The following PDE6A variants were observed in gnomAD, a reference collection of about 807,000 sequenced individuals.
PDE6A encodes the protein rod cGMP-specific 3',5'-cyclic phosphodiesterase subunit alpha.
PDE6A carries 84 observed loss-of-function variants against 106.3 expected under a neutral mutation model. The observed-to-expected ratio is 0.79, with a 90% CI of 0.66 to 0.95. PDE6A has a LOEUF of 0.95. PDE6A is among the 40% of genes least tolerant of loss of function. The pLI is 0.00. For synonymous variants in PDE6A, 394 were observed against 386.6 expected (o/e 1.02, Z -0.23); for missense variants, 1,052 against 1,084.9 (o/e 0.97, Z 0.43).
In PDE6A at chr5:149,867,720, C is replaced by A; in HGVS notation, c.2274+5G>T. 1 of 1,613,394 alleles carries A rather than the reference C, an allele frequency of 6.2e-7. No individual in the cohort carries two copies. The highest frequency in any genetic ancestry group is 8.5e-7 in the Non-Finnish European group (1 of 1,179,472). On this transcript the variant is annotated splice_donor_5th_base_variant and intron_variant, in intron 19 of 21. Transcript: ENST00000255266. ...ACATCAGGCTGACATCCCCTGTCTACTCACAATGGGATTCTGTTGCAGCAC... is the reference window on the plus strand; with the variant it reads ...ACATCAGGCTGACATCCCCTGTCTAATCACAATGGGATTCTGTTGCAGCAC...
At chr5:149,869,992 A>C (rs917894483) in intron 17 of PDE6A, among the ~76,000 whole-genome samples, 1 of 152,200 alleles carries the variant, frequency 6.6e-6, no homozygotes, top group Non-Finnish European at 1.5e-5. Context: ...AGTTTAAATA[A>C]AATCTTTAAT....
intron 19 of PDE6A, 65 bp downstream of exon 19, chr5:149,867,660 G>T: frequency 7.3e-7 from 1 of 1,369,734 alleles, no homozygotes; most frequent in Non-Finnish European, 1.0e-6. Flanking sequence ...TCATGGCGAG[G>T]TCATATCTAG....
chr5:149,893,961 TAA>T (rs750532980), intron 13 of PDE6A, among the ~76,000 whole-genome samples: 7 of 152,102 alleles, frequency 4.6e-5, no homozygotes, highest in Non-Finnish European at 1.0e-4. Flanking sequence ...TAGATGAATA[TAA>T]GTTAGTGTCT....
intron 17 of PDE6A, among the ~76,000 whole-genome samples, chr5:149,875,663 A>G (rs576651186): frequency 6.6e-6 from 1 of 151,790 alleles, no homozygotes; most frequent in South Asian, 2.1e-4. Context: ...GGAAATTTTT[A>G]TTTTTTATAG....
At chr5:149,944,051 G>A (rs1340484516) in intron 1 of PDE6A, 149 bp downstream of exon 1, 1 of 631,780 alleles carries the variant, frequency 1.6e-6, no homozygotes, top group Non-Finnish European at 2.8e-6. Context: ...TCAAAATAAA[G>A]AATTATGAGT....
chr5:149,940,398 G>C (rs76031736), intron 1 of PDE6A, among the ~76,000 whole-genome samples: 5 of 152,158 alleles, frequency 3.3e-5, no homozygotes, highest in Admixed American at 2.6e-4. Flanking sequence ...AGGAGATGAC[G>C]GGAGCCATGC....
intron 16 of PDE6A, 120 bp from the exon 17 acceptor site, chr5:149,883,656 T>A: frequency 1.3e-6 from 1 of 755,378 alleles, no homozygotes; most frequent in Non-Finnish European, 2.3e-6. Flanking sequence ...CAAAACAAGG[T>A]TGAAAGAGCC....
chr5:149,917,320 C>G (rs1201686661), intron 5 of PDE6A, among the ~76,000 whole-genome samples: 1 of 152,034 alleles, frequency 6.6e-6, no homozygotes, highest in Admixed American at 6.6e-5. Context: ...CCAAACTGTT[C>G]CTTTACTACA....
intron 5 of PDE6A, among the ~76,000 whole-genome samples, chr5:149,918,201 A>G (rs1246084213): frequency 1.3e-5 from 2 of 152,214 alleles, no homozygotes. Flanking sequence ...GCCCCGTCCA[A>G]GGGTCTTAGC....
intron 1 of PDE6A, among the ~76,000 whole-genome samples, chr5:149,941,551 G>T (rs1198301590): frequency 6.6e-6 from 1 of 152,218 alleles, no homozygotes; most frequent in Non-Finnish European, 1.5e-5. Context: ...TACACTTCCA[G>T]TAATGGGACA....
At chr5:149,903,981 C>T (rs1753084615) in intron 7 of PDE6A, among the ~76,000 whole-genome samples, 1 of 152,160 alleles carries the variant, frequency 6.6e-6, no homozygotes, top group African/African-American at 2.4e-5. Context: ...TGGAGGGTAT[C>T]CCATTTTGTT....
intron 1 of PDE6A, among the ~76,000 whole-genome samples, chr5:149,941,025 C>T (rs562057574): frequency 2.0e-5 from 3 of 152,264 alleles, no homozygotes; most frequent in East Asian, 3.9e-4. Flanking sequence ...TTGGAAATGC[C>T]GGAACACAGC....
Position 149,863,865 on chromosome 5 carries a change from T to C in PDE6A, c.2359-599A>G, listed in dbSNP as rs112374065. ...TCTCAAGCTCCTGGCCTCAAGTGAT[T>C]CTTCTGCCTTGGCTTCTCAAAGTGC... On this transcript the variant is annotated intron_variant, in intron 20 of 21. Coordinates refer to ENST00000255266, the MANE Select transcript of PDE6A (RefSeq NM_000440.3). The surrounding 1 kb of genome is among the most constrained non-coding windows in gnomAD (Gnocchi z 4.7). 0.032 allele frequency among the ~76,000 whole-genome samples: 4,831 copies of C among 152,194 alleles called. 275 individuals carry two copies. The highest frequency in any genetic ancestry group is 0.11 in the African/African-American group (4,561 of 41,510).
At chr5:149,862,257 T>C (rs1467022311) in intron 21 of PDE6A, among the ~76,000 whole-genome samples, 2 of 152,126 alleles carry the variant, frequency 1.3e-5, no homozygotes, top group Admixed American at 1.3e-4. Context: ...ACAAATCCCA[T>C]TTGATTCTGA....
intron 8 of PDE6A, among the ~76,000 whole-genome samples, chr5:149,900,748 G>A (rs1752947566): frequency 6.6e-6 from 1 of 152,068 alleles, no homozygotes. Flanking sequence ...AATACTGCCT[G>A]AAGAGCACAG....
At chr5:149,891,995 T>C (rs551402740) in intron 13 of PDE6A, among the ~76,000 whole-genome samples, 41 of 152,318 alleles carry the variant, frequency 2.7e-4, no homozygotes, top group Admixed American at 1.0e-3. Flanking sequence ...GCTGATGCTA[T>C]AACACTACTT....
At position 149,931,892 on chromosome 5, in the gene PDE6A, TATTTTCAGGTTGTGGACTATA is replaced by T. The variant is rs1754045768; in HGVS notation, c.718-745_718-725del. 6 of 664,344 alleles carry T rather than the reference TATTTTCAGGTTGTGGACTATA, an allele frequency of 9.0e-6. No homozygotes were observed. The East Asian group carries it at 1.6e-4, about 18-fold the overall frequency. 41.2% of individuals were successfully genotyped at this position (664,344 alleles called of 1,614,324 possible). On this transcript the variant is annotated intron_variant, in intron 3 of 21. Coordinates refer to ENST00000255266, the MANE Select transcript of PDE6A (RefSeq NM_000440.3). Reference sequence around the variant, plus strand: ...ACCTCCAGAGTTTCTGGAAGAAATATATTTTCAGGTTGTGGACTATAAAATGGCGTACAATGAAGAGACAGA... The same window carrying T: ...ACCTCCAGAGTTTCTGGAAGAAATATAAATGGCGTACAATGAAGAGACAGA...
Position 149,944,217 on chromosome 5 carries a change from C to A in PDE6A, c.457G>T (p.Val153Phe). 1 of 1,613,338 alleles carries A rather than the reference C, an allele frequency of 6.2e-7. No homozygotes were observed. Among genetic ancestry groups the A allele is most frequent in the Non-Finnish European group, 8.5e-7 (1 of 1,179,604 alleles). The change falls in exon 1 of 22, where the codon GTC (valine) becomes TTC (phenylalanine). Residue 153 changes from valine (V) to phenylalanine (F), a missense_variant. By Grantham distance (50) the Val-to-Phe change is conservative. Coordinates refer to ENST00000255266, the MANE Select transcript of PDE6A (RefSeq NM_000440.3). Reference sequence around the variant, plus strand: ...GAGAGTACCTCCTCTGTGTTGGGGACGTTAGCAATCTTCTTAGAGTGTGCG... The same window carrying A: ...GAGAGTACCTCCTCTGTGTTGGGGAAGTTAGCAATCTTCTTAGAGTGTGCG... Reference protein sequence around the residue: ...HVAHSKKIANVPNTEEDEHFC... With the variant: ...HVAHSKKIANFPNTEEDEHFC...
intron 13 of PDE6A, among the ~76,000 whole-genome samples, chr5:149,890,492 G>C (rs1296338695): frequency 6.6e-6 from 1 of 152,078 alleles, no homozygotes; most frequent in Non-Finnish European, 1.5e-5. Flanking sequence ...TTCAGAAACT[G>C]TATAAAATTC....
Sources: allele counts gnomAD v4.1 joint callset (sites outside exome capture counted in the v4.1 genomes callset), GRCh38; gene constraint gnomAD v4.1.1; non-coding constraint Gnocchi (gnomAD v3.1); transcripts MANE v1.5; gene names NCBI Gene and HGNC (gene_info 2026-07-23, HGNC 2026-07-21).